TMEM272: variants seen among roughly 807,000 people sequenced by gnomAD.
TMEM272 encodes transmembrane protein 272, also known as long intergenic non-protein coding RNA 282.
In TMEM272, 8 loss-of-function variants were observed where a neutral mutation model predicts 3.7. That is an observed-to-expected ratio of 2.17 (90% CI 1.27 to 3.91). The LOEUF is 3.91. TMEM272 is among the 30% of genes most tolerant of loss of function. The probability of loss-of-function intolerance (pLI) is 0.00; values close to 1 mark genes in which losing one functional copy is unlikely to be tolerated. For synonymous variants in TMEM272, 63 were observed against 39.8 expected (o/e 1.58, Z -2.20); for missense variants, 166 against 91.5 (o/e 1.81, Z -3.32).
At chr13:51,864,360 C>T in the TMEM272 span, among the ~76,000 whole-genome samples, 1 of 152,186 alleles carries the variant, frequency 6.6e-6, no homozygotes, top group Admixed American at 6.5e-5. Context: ...TCCAAATCCT[C>T]CCACACCAGC....
At chr13:51,934,324 CA>C in the TMEM272 span, 11 of 288,462 alleles carry the variant, frequency 3.8e-5, no homozygotes, top group South Asian at 2.7e-4. Flanking sequence ...ACATGATGCA[CA>C]CAGACAGGCG....
the TMEM272 span, among the ~76,000 whole-genome samples, chr13:51,871,847 C>G: frequency 4.4e-5 from 6 of 137,464 alleles, no homozygotes; most frequent in African/African-American, 1.3e-4. Context: ...CACACACAAA[C>G]AGAGACGCCC....
chr13:51,871,326 G>T, the TMEM272 span, among the ~76,000 whole-genome samples: 1 of 152,100 alleles, frequency 6.6e-6, no homozygotes, highest in Admixed American at 6.5e-5. Flanking sequence ...GAGTAGCTGG[G>T]ACTACAGGTG....
intron 4 of TMEM272, among the ~76,000 whole-genome samples, chr13:51,817,965 C>T (rs1956048649): frequency 6.6e-6 from 1 of 152,182 alleles, no homozygotes; most frequent in Admixed American, 6.5e-5. Context: ...GGAAATGCAG[C>T]GGTGGAAGGA....
chr13:51,817,680 A>G (rs1372139424), intron 4 of TMEM272, among the ~76,000 whole-genome samples: 1 of 147,576 alleles, frequency 6.8e-6, no homozygotes, highest in Non-Finnish European at 1.5e-5. Flanking sequence ...AGTTTGTACC[A>G]CTGCCCATCT....
At chr13:51,926,144 ATGTGGTGTG>A in the TMEM272 span, among the ~76,000 whole-genome samples, 1 of 150,800 alleles carries the variant, frequency 6.6e-6, no homozygotes, top group African/African-American at 2.4e-5. Flanking sequence ...TGTGCGTGGT[ATGTGGTGTG>A]TGTGGTGTAT....
chr13:51,885,100 C>T, the TMEM272 span, among the ~76,000 whole-genome samples: 1 of 152,088 alleles, frequency 6.6e-6, no homozygotes, highest in Non-Finnish European at 1.5e-5. Flanking sequence ...AGCACCTGAC[C>T]CATTTCTGTC....
the TMEM272 span, among the ~76,000 whole-genome samples, chr13:51,923,092 T>A: frequency 6.6e-6 from 1 of 152,186 alleles, no homozygotes; most frequent in Admixed American, 6.5e-5. Context: ...GAATCCTCCA[T>A]CAGAGTCCGG....
At chr13:51,866,648 A>G in the TMEM272 span, among the ~76,000 whole-genome samples, 1 of 152,196 alleles carries the variant, frequency 6.6e-6, no homozygotes, top group African/African-American at 2.4e-5. Flanking sequence ...ACTCACTGGT[A>G]GTTCCGAGTT....
the TMEM272 span, among the ~76,000 whole-genome samples, chr13:51,863,672 GACAC>G: frequency 0.28 from 37,827 of 134,174 alleles, 5,219 homozygotes; most frequent in East Asian, 0.47. Flanking sequence ...CGCGCACACA[GACAC>G]ACACACACAC....
At chr13:51,862,569 T>C in the TMEM272 span, among the ~76,000 whole-genome samples, 2 of 152,198 alleles carry the variant, frequency 1.3e-5, no homozygotes, top group African/African-American at 4.8e-5. Flanking sequence ...ACACCTATCC[T>C]GTGGCAGAAC....
the TMEM272 span, among the ~76,000 whole-genome samples, chr13:51,913,573 A>G: frequency 1.4e-4 from 22 of 152,198 alleles, no homozygotes; most frequent in Admixed American, 3.9e-4. Context: ...ACCCAAACCC[A>G]GGCCAGGCTG....
At chr13:51,915,471 A>T in the TMEM272 span, among the ~76,000 whole-genome samples, 1 of 152,230 alleles carries the variant, frequency 6.6e-6, no homozygotes, top group Non-Finnish European at 1.5e-5. Context: ...TGTTGATGAG[A>T]ATCAACTCTG....
At chr13:51,836,871 G>A (rs1956220687) in intron 2 of TMEM272, among the ~76,000 whole-genome samples, 1 of 152,232 alleles carries the variant, frequency 6.6e-6, no homozygotes, top group South Asian at 2.1e-4. Context: ...GGATTTTCCA[G>A]AGTGAGAAGG....
At chr13:51,896,323 G>T in the TMEM272 span, among the ~76,000 whole-genome samples, 1 of 150,778 alleles carries the variant, frequency 6.6e-6, no homozygotes, top group Non-Finnish European at 1.5e-5. Flanking sequence ...AGGGGTGTGT[G>T]TGTGTATGAG....
In TMEM272 at chr13:51,813,547, G is replaced by C. The variant is rs1209471600; in HGVS notation, c.*3204C>G. ...ACCAGGATGGGCCTGACATAAGCCA[G>C]TCCAGGCTGTATGTGTGGCCCGAGT... On this transcript the variant is annotated 3_prime_UTR_variant, in exon 5 of 5. Transcript: ENST00000629372. The C allele has an allele frequency of 3.1e-6, 1 of 318,300 alleles. No homozygotes were observed. The highest frequency in any genetic ancestry group is 4.8e-5 in the East Asian group (1 of 20,650). The allele number at this position is 318,300 out of a possible 1,614,324, so 19.7% of individuals were successfully genotyped here.
upstream of TMEM272, among the ~76,000 whole-genome samples, chr13:51,850,046 A>C (rs1430936458): frequency 1.3e-5 from 2 of 152,198 alleles, no homozygotes; most frequent in Non-Finnish European, 2.9e-5. Context: ...GAGACTAAAA[A>C]ACAAAATAAA....
the TMEM272 span, among the ~76,000 whole-genome samples, chr13:51,915,050 C>T: frequency 5.3e-5 from 8 of 152,148 alleles, no homozygotes; most frequent in Admixed American, 6.5e-5. Context: ...AAATACTTCA[C>T]GGCAAATTAC....
At chr13:51,924,643 G>T in the TMEM272 span, among the ~76,000 whole-genome samples, 1 of 152,122 alleles carries the variant, frequency 6.6e-6, no homozygotes. Flanking sequence ...TGCTGGCTGT[G>T]CCTGCTTCCT....
Sources: gnomAD v4.1 joint callset for allele counts (sites outside exome capture counted in the v4.1 genomes callset) on GRCh38, gnomAD v4.1.1 for gene constraint, MANE v1.5 for transcripts, NCBI Gene and HGNC (gene_info 2026-07-23, HGNC 2026-07-21) for gene names.